The following ACTR3B variants were observed in gnomAD, a reference collection of about 807,000 sequenced individuals.
The protein encoded by ACTR3B is actin related protein 3B, also known as actin-related protein 3B.
Under a neutral mutation model 59.0 loss-of-function variants are expected in ACTR3B, and 8 were observed. That is an observed-to-expected ratio of 0.14 (90% CI 0.08 to 0.24). The LOEUF is 0.24. ACTR3B is among the 10% of genes least tolerant of loss of function. The pLI, the probability that ACTR3B is intolerant of heterozygous loss-of-function variation, is 1.00. For missense variants in ACTR3B, 245 were observed against 552.3 expected (o/e 0.44, Z 5.58); for synonymous variants, 148 against 197.9 (o/e 0.75, Z 2.12).
chr7:152,766,874 C>T (rs2098112105), intron 1 of ACTR3B, among the ~76,000 whole-genome samples: 1 of 152,116 alleles, frequency 6.6e-6, no homozygotes, highest in South Asian at 2.1e-4. Context: ...GCAACCTCCA[C>T]CTCCTGGGTT....
chr7:152,826,108 C>T (rs1796551004), intron 9 of ACTR3B, among the ~76,000 whole-genome samples: 1 of 152,142 alleles, frequency 6.6e-6, no homozygotes, highest in Admixed American at 6.5e-5. Flanking sequence ...AGAAGAGAAT[C>T]AGGCTCAACT....
intron 2 of ACTR3B, among the ~76,000 whole-genome samples, chr7:152,785,507 G>A (rs1398867811): frequency 7.7e-6 from 1 of 129,714 alleles, no homozygotes; most frequent in African/African-American, 3.1e-5. Context: ...GAGAGAGAGA[G>A]AGAGGAGAGA....
intron 1 of ACTR3B, among the ~76,000 whole-genome samples, chr7:152,781,170 G>A (rs1165797489): frequency 7.1e-6 from 1 of 140,654 alleles, no homozygotes; most frequent in African/African-American, 2.7e-5. Context: ...AAATGTTAAC[G>A]CTTTACCATA....
intron 9 of ACTR3B, among the ~76,000 whole-genome samples, chr7:152,847,952 A>T (rs150919718): frequency 6.0e-4 from 92 of 152,286 alleles, no homozygotes; most frequent in African/African-American, 2.1e-3. Flanking sequence ...CAGAGGGTGA[A>T]CAGTCTTGTG....
intron 1 of ACTR3B, among the ~76,000 whole-genome samples, chr7:152,775,491 T>C (rs1054768803): frequency 4.6e-5 from 7 of 152,010 alleles, no homozygotes; most frequent in Admixed American, 2.0e-4. Flanking sequence ...CTGGGCGTGA[T>C]AGCTCAGCCT....
chr7:152,815,349 C>T (rs960288206), intron 5 of ACTR3B, among the ~76,000 whole-genome samples: 1 of 152,166 alleles, frequency 6.6e-6, no homozygotes, highest in Non-Finnish European at 1.5e-5. Flanking sequence ...ATTCCTGTGT[C>T]GAAATCTATG....
At chr7:152,773,669 C>G (rs1237696531) in intron 1 of ACTR3B, among the ~76,000 whole-genome samples, 1 of 150,890 alleles carries the variant, frequency 6.6e-6, no homozygotes, top group African/African-American at 2.4e-5. Flanking sequence ...GATTGCAAAA[C>G]AAAAAAAAAT....
At chr7:152,848,373 C>A (rs758169254) in intron 9 of ACTR3B, among the ~76,000 whole-genome samples, 1 of 152,130 alleles carries the variant, frequency 6.6e-6, no homozygotes, top group Non-Finnish European at 1.5e-5. Flanking sequence ...GCATTCCCTG[C>A]CAGAGAGCGA....
chr7:152,836,147 C>G (rs1797438312), intron 9 of ACTR3B, among the ~76,000 whole-genome samples: 1 of 151,124 alleles, frequency 6.6e-6, no homozygotes, highest in Admixed American at 6.6e-5. Context: ...GGGGTGAGAC[C>G]TGAGGGGCCT....
chr7:152,797,013 C>T (rs1403318865), intron 2 of ACTR3B, among the ~76,000 whole-genome samples: 7 of 151,412 alleles, frequency 4.6e-5, no homozygotes, highest in South Asian at 2.1e-4. Flanking sequence ...CCACTGTGCC[C>T]GGCCTAGAAA....
chr7:152,799,719 A>T (rs1044577664), intron 2 of ACTR3B, among the ~76,000 whole-genome samples: 22 of 152,224 alleles, frequency 1.4e-4, no homozygotes, highest in Admixed American at 1.2e-3. Context: ...GGAAGCCTTC[A>T]AGTGAGGAGA....
chr7:152,774,344 C>T (rs1225707183), intron 1 of ACTR3B, among the ~76,000 whole-genome samples: 1 of 152,182 alleles, frequency 6.6e-6, no homozygotes, highest in Admixed American at 6.5e-5. Flanking sequence ...CCCTGTTGGC[C>T]AGCCTGGTCT....
intron 9 of ACTR3B, among the ~76,000 whole-genome samples, chr7:152,848,065 A>G (rs1184932957): frequency 1.3e-5 from 2 of 152,124 alleles, no homozygotes; most frequent in Non-Finnish European, 2.9e-5. Context: ...TGGACTATGT[A>G]CCTCTCAGAT....
chr7:152,825,592 C>G (rs1796507830), intron 9 of ACTR3B, among the ~76,000 whole-genome samples: 1 of 152,130 alleles, frequency 6.6e-6, no homozygotes, highest in Non-Finnish European at 1.5e-5. Context: ...GCTGGGATTA[C>G]AGACATGAGC....
intron 9 of ACTR3B, among the ~76,000 whole-genome samples, chr7:152,828,276 C>A (rs539024797): frequency 0.052 from 7,890 of 151,626 alleles, 264 homozygotes; most frequent in South Asian, 0.11. Context: ...CACTGCCGAG[C>A]TCTGCTCACA....
At chr7:152,787,068 C>A (rs1363510388) in intron 2 of ACTR3B, among the ~76,000 whole-genome samples, 2 of 152,258 alleles carry the variant, frequency 1.3e-5, no homozygotes, top group Non-Finnish European at 2.9e-5. Flanking sequence ...AGAGCGTACA[C>A]CCCTTCATCC....
intron 9 of ACTR3B, among the ~76,000 whole-genome samples, chr7:152,827,423 A>C (rs940187545): frequency 6.6e-6 from 1 of 151,972 alleles, no homozygotes; most frequent in Non-Finnish European, 1.5e-5. Context: ...GCTGAACTCT[A>C]TACCCCGTTG....
chr7:152,822,454 G>A (rs888921993), intron 7 of ACTR3B, among the ~76,000 whole-genome samples: 1 of 152,184 alleles, frequency 6.6e-6, no homozygotes, highest in South Asian at 2.1e-4. Context: ...GAAACACTTC[G>A]CATCCCTCAG....
intron 2 of ACTR3B, among the ~76,000 whole-genome samples, chr7:152,799,278 A>G (rs1222368454): frequency 6.6e-6 from 1 of 152,206 alleles, no homozygotes; most frequent in Non-Finnish European, 1.5e-5. Context: ...ATTTTAGTGG[A>G]GTAAAATGTT....
Sources: gnomAD v4.1 joint callset for allele counts (sites outside exome capture counted in the v4.1 genomes callset) on GRCh38, gnomAD v4.1.1 for gene constraint, MANE v1.5 for transcripts, NCBI Gene and HGNC (gene_info 2026-07-23, HGNC 2026-07-21) for gene names.